Variants in ULK4 observed in about 807,000 individuals in gnomAD.
The protein encoded by ULK4 is inactive serine/threonine-protein kinase ULK4.
ULK4 carries 133 observed loss-of-function variants against 160.6 expected under a neutral mutation model. That is an observed-to-expected ratio of 0.83 (90% CI 0.72 to 0.96). The LOEUF is 0.96. Ranked by LOEUF, ULK4 falls within the 40% of genes least tolerant of loss-of-function variation. The pLI is 0.00. For synonymous variants in ULK4, 534 were observed against 539.8 expected (o/e 0.99, Z 0.15); for missense variants, 1,580 against 1,499.5 (o/e 1.05, Z -0.89).
chr3:41,334,809 A>T (rs2080520967), intron 35 of ULK4, among the ~76,000 whole-genome samples: 1 of 152,242 alleles, frequency 6.6e-6, no homozygotes, highest in Non-Finnish European at 1.5e-5. Context: ...ATAGCAAAGT[A>T]AGTTTCATGT....
At chr3:41,425,614 G>A (rs2082760427) in intron 34 of ULK4, among the ~76,000 whole-genome samples, 1 of 152,118 alleles carries the variant, frequency 6.6e-6, no homozygotes, top group Non-Finnish European at 1.5e-5. Flanking sequence ...GAGACTGGGG[G>A]CCAATATTCA....
intron 12 of ULK4, among the ~76,000 whole-genome samples, chr3:41,904,943 T>G (rs1182164222): frequency 2.6e-5 from 4 of 152,226 alleles, no homozygotes. Context: ...ACACATTCAA[T>G]GCAACTGTGA....
At chr3:41,360,423 C>T (rs928020411) in intron 35 of ULK4, among the ~76,000 whole-genome samples, 3 of 152,054 alleles carry the variant, frequency 2.0e-5, no homozygotes, top group Non-Finnish European at 2.9e-5. Flanking sequence ...TGGGTATATA[C>T]CTAAAGGAAT....
chr3:41,364,131 TCTCAAAATGTTGCCCAGG>T (rs981957386), intron 35 of ULK4, among the ~76,000 whole-genome samples: 12 of 152,242 alleles, frequency 7.9e-5, no homozygotes, highest in Admixed American at 6.5e-4. Context: ...AGAGACAAGG[TCTCAAAATGTTGCCCAGG>T]CTAGTCTTGA....
chr3:41,481,635 G>A (rs985632698), intron 32 of ULK4, among the ~76,000 whole-genome samples: 8 of 151,638 alleles, frequency 5.3e-5, no homozygotes, highest in South Asian at 2.1e-4. Context: ...AGACCATCCC[G>A]GCTAAAACGG....
At chr3:41,487,572 T>C (rs2084585333) in intron 32 of ULK4, among the ~76,000 whole-genome samples, 1 of 152,164 alleles carries the variant, frequency 6.6e-6, no homozygotes, top group Non-Finnish European at 1.5e-5. Flanking sequence ...TATGAATTCT[T>C]GTATAAACAG....
intron 35 of ULK4, among the ~76,000 whole-genome samples, chr3:41,278,860 GA>G (rs1384897693): frequency 3.3e-5 from 5 of 152,128 alleles, no homozygotes; most frequent in African/African-American, 9.7e-5. Flanking sequence ...CAGAAAAACT[GA>G]AAATTCCAAA....
intron 12 of ULK4, 81 bp downstream of exon 12, chr3:41,907,764 C>A: frequency 1.1e-6 from 1 of 876,162 alleles, no homozygotes; most frequent in Admixed American, 3.2e-5. Flanking sequence ...TAATTATTAA[C>A]ATAATTCATT....
intron 30 of ULK4, among the ~76,000 whole-genome samples, chr3:41,647,878 A>T (rs1182981640): frequency 6.6e-6 from 1 of 152,076 alleles, no homozygotes; most frequent in Non-Finnish European, 1.5e-5. Flanking sequence ...TGCTTTGTGT[A>T]CCTACGCAAG....
At chr3:41,773,051 G>T (rs1389595034) in intron 21 of ULK4, among the ~76,000 whole-genome samples, 1 of 152,126 alleles carries the variant, frequency 6.6e-6, no homozygotes, top group Admixed American at 6.5e-5. Context: ...CAATAAATTA[G>T]GTACTGATGG....
chr3:41,748,412 T>C (rs932962585), intron 22 of ULK4, among the ~76,000 whole-genome samples: 36 of 152,100 alleles, frequency 2.4e-4, no homozygotes, highest in African/African-American at 8.2e-4. Flanking sequence ...AATGGGATTT[T>C]GGTCAGTAAA....
chr3:41,591,530 T>C (rs987235252), intron 31 of ULK4, among the ~76,000 whole-genome samples: 10 of 151,810 alleles, frequency 6.6e-5, no homozygotes, highest in African/African-American at 2.4e-4. Context: ...TCTCATAATG[T>C]TTTAAGAAAG....
At position 41,463,091 on chromosome 3, in the gene ULK4, A is replaced by C; in HGVS notation, c.3389T>G (p.Leu1130Trp). Residue 1130 changes from leucine (L) to tryptophan (W), a missense_variant, in exon 33 of 37, where the codon TTG becomes TGG. Coordinates refer to ENST00000301831, the MANE Select transcript of ULK4 (RefSeq NM_017886.4). ...ACAGGAAAACAGATCCTCTACCTGC[A>C]AAGCCAGCCGTACAATACCGGAGGT... ...TYTSGIVRLA[L>W]QAQKSGSGED... 4 of 1,612,872 alleles carry C rather than the reference A, an allele frequency of 2.5e-6. No homozygotes were observed. Among genetic ancestry groups the C allele is most frequent in the Non-Finnish European group, 3.4e-6 (4 of 1,179,156 alleles).
At chr3:41,912,779 C>G (rs746759708) in intron 9 of ULK4, 28 bp downstream of exon 9, 1 of 1,584,400 alleles carries the variant, frequency 6.3e-7, no homozygotes, top group East Asian at 2.2e-5. Context: ...GTAACTATGT[C>G]CCATACACAA....
At chr3:41,910,058 A>C (rs570748113) in intron 11 of ULK4, among the ~76,000 whole-genome samples, 1 of 152,152 alleles carries the variant, frequency 6.6e-6, no homozygotes, top group Admixed American at 6.5e-5. Flanking sequence ...CAGCACGTCC[A>C]GCTAATTTTT....
At position 41,481,826 on chromosome 3, in the gene ULK4, CAAA is replaced by C. The variant is rs71616009; in HGVS notation, c.3227-18576_3227-18574del. Among the ~76,000 whole-genome samples the C allele has an allele frequency of 9.6e-4, 64 of 66,842 alleles. No homozygotes were observed. The East Asian group carries it at 0.024, about 25-fold the overall frequency. The allele number at this position is 66,842 out of a possible 152,430, so 43.9% of individuals were successfully genotyped here. A position where few individuals can be genotyped will look rare whatever the true frequency, so the allele number is the denominator to read the frequency against. ...TGGGCGACAGAGCGAGACTCCGTCT[CAAA>C]AAAAAAAAAAAAAAAAAAGAACAAA... On this transcript the variant is annotated intron_variant, in intron 32 of 36. Transcript: ENST00000301831.
chr3:41,415,798 G>A (rs976790293), intron 34 of ULK4, among the ~76,000 whole-genome samples: 1 of 152,046 alleles, frequency 6.6e-6, no homozygotes, highest in Non-Finnish European at 1.5e-5. Flanking sequence ...ATTTGTCTCA[G>A]CCCATGGAAG....
intron 31 of ULK4, among the ~76,000 whole-genome samples, chr3:41,603,335 C>T (rs2032209944): frequency 6.6e-6 from 1 of 151,728 alleles, no homozygotes; most frequent in South Asian, 2.1e-4. Flanking sequence ...AGGTGTAAAA[C>T]ACTGAAGTAC....
chr3:41,857,407 T>A (rs2042386015), intron 17 of ULK4, among the ~76,000 whole-genome samples: 2 of 152,244 alleles, frequency 1.3e-5, no homozygotes. Flanking sequence ...AGTTTTCTTT[T>A]TTTGATATGT....
Sources: allele counts gnomAD v4.1 joint callset (sites outside exome capture counted in the v4.1 genomes callset), GRCh38; gene constraint gnomAD v4.1.1; transcripts MANE v1.5; gene names NCBI Gene and HGNC (gene_info 2026-07-23, HGNC 2026-07-21).